The following SIVA1 variants were observed in gnomAD, a reference collection of about 807,000 sequenced individuals.
SIVA1 encodes SIVA1 apoptosis inducing factor, also known as apoptosis regulatory protein Siva.
A neutral mutation model predicts 19.7 loss-of-function variants in SIVA1; 10 were observed. The observed-to-expected ratio is 0.51, with a 90% CI of 0.31 to 0.86. The LOEUF is 0.86. Ranked by LOEUF, SIVA1 falls within the 40% of genes least tolerant of loss-of-function variation. The probability of loss-of-function intolerance (pLI) is 0.04; values close to 1 mark genes in which losing one functional copy is unlikely to be tolerated. For synonymous variants in SIVA1, 130 were observed against 106.1 expected (o/e 1.23, Z -1.39); for missense variants, 241 against 245.2 (o/e 0.98, Z 0.11).
chr14:104,756,925 C>A, intron 3 of SIVA1, 165 bp downstream of exon 3: 1 of 751,978 alleles, frequency 1.3e-6, no homozygotes, highest in Non-Finnish European at 2.1e-6. Flanking sequence ...ATGCTTGGCC[C>A]AACTTTAGTG....
intron 2 of SIVA1, 45 bp downstream of exon 2, chr14:104,755,869 G>A: frequency 6.4e-7 from 1 of 1,560,120 alleles, no homozygotes; most frequent in African/African-American, 1.4e-5. Context: ...ACTGAGGGCA[G>A]GTGGTGGCAC....
chr14:104,756,050 C>T (rs1390280607), intron 2 of SIVA1: 1 of 663,958 alleles, frequency 1.5e-6, no homozygotes, highest in South Asian at 1.6e-5. Context: ...GCAGCAGAGA[C>T]TCCCCGGGTA....
intron 3 of SIVA1, chr14:104,757,934 C>G (rs938088186): frequency 1.3e-5 from 2 of 152,332 alleles, no homozygotes; most frequent in African/African-American, 4.8e-5. Context: ...TCACGTTGAG[C>G]TGAGTGGGCC....
At chr14:104,756,897 G>A (rs773174314) in intron 3 of SIVA1, 137 bp downstream of exon 3, 11 of 986,110 alleles carry the variant, frequency 1.1e-5, no homozygotes, top group Non-Finnish European at 1.5e-5. Flanking sequence ...ATTGCCTAAC[G>A]GGACATGGTG....
chr14:104,753,216 C>G lies in SIVA1; in HGVS notation c.15C>G (p.Ser5Arg), dbSNP rs753008826. The G allele has an allele frequency of 1.9e-6, 3 of 1,577,450 alleles. No individual in the cohort carries two copies. Among genetic ancestry groups the G allele is most frequent in the Non-Finnish European group, 2.6e-6 (3 of 1,164,692 alleles). The change falls in exon 1 of 4, where the codon AGC (serine) becomes AGG (arginine). Residue 5 changes from serine (S) to arginine (R), a missense_variant. Transcript: ENST00000329967. MPKR[S>R]CPFADVAPLQ... ...GCCCCGCGGCCATGCCCAAGCGGAG[C>G]TGCCCCTTCGCGGACGTGGCCCCGC...
At chr14:104,758,478 C>T (rs539877359) in intron 3 of SIVA1, 1 of 149,958 alleles carries the variant, frequency 6.7e-6, no homozygotes, top group African/African-American at 2.5e-5. Flanking sequence ...CTAGCCTTTA[C>T]CTTTAGAGCT....
chr14:104,754,633 A>C (rs951369754), intron 1 of SIVA1, among the ~76,000 whole-genome samples: 1 of 152,148 alleles, frequency 6.6e-6, no homozygotes, highest in Non-Finnish European at 1.5e-5. Context: ...TAAATGCAGG[A>C]CACCTACTTT....
At chr14:104,757,256 A>G (rs1891923918) in intron 3 of SIVA1, 1 of 424,488 alleles carries the variant, frequency 2.4e-6, no homozygotes, top group Non-Finnish European at 4.7e-6. Flanking sequence ...TAAGGTGGGG[A>G]GGGGCGTTCT....
chr14:104,756,507 C>A, intron 2 of SIVA1, 97 bp from the exon 3 acceptor site: 1 of 1,404,626 alleles, frequency 7.1e-7, no homozygotes, highest in Non-Finnish European at 1.0e-6. Context: ...CAGGTCAGAG[C>A]CCTCTGCCCT....
At chr14:104,753,771 G>T in intron 1 of SIVA1, 1 of 454,938 alleles carries the variant, frequency 2.2e-6, no homozygotes, top group Non-Finnish European at 4.4e-6. Context: ...CAGGCACGGC[G>T]GCTTTCTCGG....
rs772185197 is a variant in SIVA1, at chr14:104,753,195, C to A, written c.-7C>A. On this transcript the variant is annotated 5_prime_UTR_variant, in exon 1 of 4. Coordinates refer to ENST00000329967, the MANE Select transcript of SIVA1 (RefSeq NM_006427.4). Reference sequence around the variant, plus strand: ...CGGGGAGCTGCGTAGCTCCCGGCCCCGCGGCCATGCCCAAGCGGAGCTGCC... The same window carrying A: ...CGGGGAGCTGCGTAGCTCCCGGCCCAGCGGCCATGCCCAAGCGGAGCTGCC... The A allele has an allele frequency of 1.3e-6, 2 of 1,556,956 alleles. No individual in the cohort carries two copies. Among genetic ancestry groups the A allele is most frequent in the Non-Finnish European group, 8.7e-7 (1 of 1,152,500 alleles).
At chr14:104,757,030 C>T (rs1325086501) in intron 3 of SIVA1, 4 of 519,668 alleles carry the variant, frequency 7.7e-6, no homozygotes, top group Non-Finnish European at 1.4e-5. Context: ...CTGTTCTGAT[C>T]TTTGAGCACC....
rs1321593590 is a variant in SIVA1 at position 104,753,159 on chromosome 14, G to C, written c.-43G>C. The C allele has an allele frequency of 5.2e-6, 7 of 1,335,518 alleles. No individual in the cohort carries two copies. The highest frequency in any genetic ancestry group is 7.3e-6 in the Non-Finnish European group (7 of 960,586). The allele number at this position is 1,335,518 out of a possible 1,614,324, so 82.7% of individuals were successfully genotyped here. A position where few individuals can be genotyped will look rare whatever the true frequency, so the allele number is the denominator to read the frequency against. On this transcript the variant is annotated 5_prime_UTR_variant, in exon 1 of 4. Coordinates refer to ENST00000329967, the MANE Select transcript of SIVA1 (RefSeq NM_006427.4). ...GTGACGTCACGGCGTCGTTGGTAAG[G>C]GGCTGGCGGCCGGGGAGCTGCGTAG...
intron 3 of SIVA1, chr14:104,757,434 C>G (rs1199810414): frequency 3.8e-6 from 1 of 265,640 alleles, no homozygotes; most frequent in Non-Finnish European, 7.8e-6. Flanking sequence ...AAATAGAAAC[C>G]ACATGTTACA....
rs755771188 is a variant in SIVA1 at position 104,755,919 on chromosome 14, C to G, written c.313+95C>G. On this transcript the variant is annotated intron_variant, in intron 2 of 3. Coordinates refer to ENST00000329967, the MANE Select transcript of SIVA1 (RefSeq NM_006427.4). ...ATTTGCAAGGTCAGGCTTTTCCTCC[C>G]TGGGTAAGCAGGACTCTGACCCAGA... 2.5e-6 allele frequency: 3 copies of G among 1,224,156 alleles called. No individual in the cohort carries two copies. In the South Asian group the frequency reaches 3.9e-5, roughly 16 times the overall value. The allele number at this position is 1,224,156 out of a possible 1,614,324, so 75.8% of individuals were successfully genotyped here. A position where few individuals can be genotyped will look rare whatever the true frequency, so the allele number is the denominator to read the frequency against.
At position 104,755,668 on chromosome 14, in the gene SIVA1, T is replaced by C; in HGVS notation, c.157T>C (p.Tyr53His). Reference protein sequence around the residue: ...KRLLFLGAQAYLDHVWDEGCA... With the variant: ...KRLLFLGAQAHLDHVWDEGCA... ...ACTCCTGTTCCTCGGGGCCCAGGCC[T>C]ACCTGGACCACGTGTGGGATGAAGG... Residue 53 changes from tyrosine (Y) to histidine (H), a missense_variant, in exon 2 of 4, where the codon TAC becomes CAC. Coordinates refer to ENST00000329967, the MANE Select transcript of SIVA1 (RefSeq NM_006427.4). The C allele has an allele frequency of 6.2e-7, 1 of 1,613,890 alleles. No individual in the cohort carries two copies. Among genetic ancestry groups the C allele is most frequent in the Non-Finnish European group, 8.5e-7 (1 of 1,179,980 alleles).
intron 1 of SIVA1, among the ~76,000 whole-genome samples, chr14:104,755,406 G>C (rs941153151): frequency 2.0e-5 from 3 of 152,216 alleles, no homozygotes; most frequent in Admixed American, 6.5e-5. Context: ...CTTCCTGGAG[G>C]AGATGACAGC....
intron 1 of SIVA1, chr14:104,753,928 T>C (rs1483544340): frequency 1.7e-5 from 6 of 349,912 alleles, no homozygotes; most frequent in Non-Finnish European, 3.0e-5. Context: ...ACGGAAGGCT[T>C]CTTGGAAGAA....
intron 3 of SIVA1, chr14:104,758,213 T>A (rs2140863062): frequency 6.6e-6 from 1 of 152,442 alleles, no homozygotes; most frequent in South Asian, 2.1e-4. Context: ...GCCTTTGGCG[T>A]CCTGCTGATG....
Sources: allele counts gnomAD v4.1 joint callset (sites outside exome capture counted in the v4.1 genomes callset), GRCh38; gene constraint gnomAD v4.1.1; transcripts MANE v1.5; gene names NCBI Gene and HGNC (gene_info 2026-07-23, HGNC 2026-07-21).